CRLF2: variants seen among roughly 807,000 people sequenced by gnomAD.
The protein encoded by CRLF2 is cytokine receptor like factor 2.
Under a neutral mutation model 38.7 loss-of-function variants are expected in CRLF2, and 41 were observed. The ratio of observed to expected loss-of-function variants is 1.06; its 90% CI spans 0.83 to 1.37. CRLF2 has a LOEUF of 1.37. Among genes scored for constraint, CRLF2 ranks in the 40% most tolerant of loss-of-function variants. The pLI, the probability that CRLF2 is intolerant of heterozygous loss-of-function variation, is 0.00. For missense variants in CRLF2, 377 were observed against 322.2 expected, an observed-to-expected ratio of 1.17 and a Z score of -1.30; for synonymous variants, 140 against 128.8, an observed-to-expected ratio of 1.09 and a Z score of -0.59.
intron 4 of CRLF2, among the ~76,000 whole-genome samples, chrX:1,199,345 C>A (rs1382771447): frequency 2.0e-5 from 3 of 151,646 alleles, no homozygotes; most frequent in African/African-American, 7.3e-5. Flanking sequence ...TGCTCTGTTG[C>A]CCAGGCTGGA....
At chrX:1,210,716 C>CAGAT (rs1384285811) in intron 1 of CRLF2, among the ~76,000 whole-genome samples, 1 of 151,968 alleles carries the variant, frequency 6.6e-6, no homozygotes, top group South Asian at 2.1e-4. Context: ...TAGATAGATA[C>CAGAT]AGATAGATAG....
At chrX:1,205,893 T>C (rs2086682747) in intron 3 of CRLF2, among the ~76,000 whole-genome samples, 1 of 152,028 alleles carries the variant, frequency 6.6e-6, no homozygotes, top group South Asian at 2.1e-4. Context: ...ATGGTGAGCT[T>C]GCTTTTCAAT....
At chrX:1,204,037 C>T (rs1373843010) in intron 3 of CRLF2, among the ~76,000 whole-genome samples, 2 of 147,986 alleles carry the variant, frequency 1.4e-5, no homozygotes, top group East Asian at 4.0e-4. Flanking sequence ...ACAGCCAGTT[C>T]TCAACGCACA....
At chrX:1,194,992 A>C (rs1288698006) in intron 6 of CRLF2, among the ~76,000 whole-genome samples, 1 of 152,042 alleles carries the variant, frequency 6.6e-6, no homozygotes, top group Non-Finnish European at 1.5e-5. Context: ...AGATCATGCC[A>C]CTGTACTCCA....
chrX:1,208,684 AT>A, intron 2 of CRLF2, 121 bp downstream of exon 2: 1 of 688,370 alleles, frequency 1.5e-6, no homozygotes, highest in Non-Finnish European at 2.6e-6. Context: ...CAGAACAAAC[AT>A]TCCGGCTTGC....
intron 4 of CRLF2, chrX:1,199,106 A>C (rs1163651481): frequency 5.9e-6 from 2 of 340,762 alleles, no homozygotes; most frequent in Admixed American, 7.4e-5. Flanking sequence ...CAGAGATCGC[A>C]CCACTGCACT....
intron 5 of CRLF2, among the ~76,000 whole-genome samples, chrX:1,197,828 T>TA (rs1198504716): frequency 5.5e-5 from 8 of 146,218 alleles, no homozygotes; most frequent in African/African-American, 1.3e-4. Context: ...AAAATAAAAA[T>TA]AAAAAAATAA....
chrX:1,196,628 A>G (rs2086480467), intron 6 of CRLF2, 152 bp downstream of exon 6: 15 of 1,041,086 alleles, frequency 1.4e-5, no homozygotes, highest in Admixed American at 3.0e-5. Flanking sequence ...GCCCCTCCGA[A>G]ATTTCTTATA....
chrX:1,194,970 GGCA>G (rs2086452050), intron 6 of CRLF2, among the ~76,000 whole-genome samples: 1 of 151,462 alleles, frequency 6.6e-6, no homozygotes, highest in African/African-American at 2.4e-5. Context: ...AGGCGGAGGT[GGCA>G]GTGAGCCGAG....
At chrX:1,192,691 C>T (rs1174020121) in intron 7 of CRLF2, among the ~76,000 whole-genome samples, 77 of 132,658 alleles carry the variant, frequency 5.8e-4, no homozygotes, top group South Asian at 2.0e-3. Context: ...TTTTCTCTTT[C>T]TTTTTCTTTT....
chrX:1,209,066 C>T (rs1351151027), intron 1 of CRLF2, among the ~76,000 whole-genome samples, 158 bp from the exon 2 acceptor site: 4 of 151,778 alleles, frequency 2.6e-5, no homozygotes, highest in African/African-American at 9.7e-5. Flanking sequence ...CTCCCGGGTT[C>T]AAGCGATTCC....
At position 1,200,688 on chromosome X, in the gene CRLF2, G is replaced by A. The variant is rs1218968714; in HGVS notation, c.483+1714C>T. Among the ~76,000 whole-genome samples, 127 of 55,694 alleles carry A rather than the reference G, an allele frequency of 2.3e-3. 12 individuals carry two copies. The highest frequency in any genetic ancestry group is 6.2e-3 in the African/African-American group (112 of 17,994). The allele number at this position is 55,694 out of a possible 152,430, so 36.5% of individuals were successfully genotyped here. On this transcript the variant is annotated intron_variant, in intron 4 of 7. Transcript: ENST00000400841. The stretch of plus-strand genomic sequence containing the variant: ...ATATGTGTATATAAGCTGTGTGTGT[G>A]TGTATATGTGTGTGTATATAAGATG...
chrX:1,201,758 A>C (rs1398751057), intron 4 of CRLF2, among the ~76,000 whole-genome samples: 1 of 152,002 alleles, frequency 6.6e-6, no homozygotes, highest in Admixed American at 6.6e-5. Flanking sequence ...TAGATAGATA[A>C]ATACATAGAT....
At chrX:1,206,627 C>T (rs750595219) in intron 2 of CRLF2, 28 bp from the exon 3 acceptor site, 10 of 1,599,894 alleles carry the variant, frequency 6.3e-6, no homozygotes, top group Non-Finnish European at 8.5e-6. Context: ...GACCATTCAG[C>T]AACAAAACAA....
chrX:1,200,774 T>C (rs1880484395), intron 4 of CRLF2, among the ~76,000 whole-genome samples: 1 of 152,086 alleles, frequency 6.6e-6, no homozygotes, highest in African/African-American at 2.4e-5. Flanking sequence ...GTATATAAGC[T>C]GTGTATCTAT....
rs2147815639 is a variant in CRLF2, at chrX:1,191,070, G to A, written c.943C>T (p.Gln315Ter). The A allele has an allele frequency of 2.5e-6, 1 of 398,616 alleles. No individual in the cohort carries two copies. The highest frequency in any genetic ancestry group is 4.4e-6 in the Non-Finnish European group (1 of 226,112). 24.7% of individuals were successfully genotyped at this position (398,616 alleles called of 1,614,324 possible). ...ESGPEEPLVV[Q>*]LAKTEAESPR... is the part of the protein sequence containing the mutation. Reference sequence around the variant, plus strand: ...GACTCGGCTTCAGTCTTGGCCAACTGGACTACCAGGGGCTCCTCGGGGCCA... The same window carrying A: ...GACTCGGCTTCAGTCTTGGCCAACTAGACTACCAGGGGCTCCTCGGGGCCA... Residue 315 changes from glutamine to a stop codon, truncating the protein, a stop_gained, in exon 8 of 8, where the codon CAG becomes TAG. Coordinates refer to ENST00000400841, the MANE Select transcript of CRLF2 (RefSeq NM_022148.4). LOFTEE classifies it high-confidence loss of function.
intron 3 of CRLF2, among the ~76,000 whole-genome samples, chrX:1,204,606 C>T (rs1370166397): frequency 9.2e-5 from 13 of 140,886 alleles, no homozygotes; most frequent in East Asian, 4.3e-4. Flanking sequence ...CTGCAGCCTC[C>T]GCCTCCCGGG....
intron 5 of CRLF2, 96 bp from the exon 6 acceptor site, chrX:1,196,996 C>G: frequency 9.7e-7 from 1 of 1,025,668 alleles, no homozygotes; most frequent in Non-Finnish European, 1.3e-6. Flanking sequence ...ACCAGTCTCC[C>G]TCATTTTTTG....
intron 4 of CRLF2, among the ~76,000 whole-genome samples, chrX:1,202,084 G>A (rs2086618183): frequency 6.6e-6 from 1 of 151,980 alleles, no homozygotes; most frequent in Admixed American, 6.6e-5. Flanking sequence ...GAGGGAAATA[G>A]AATGATATAG....
Sources: allele counts gnomAD v4.1 joint callset (sites outside exome capture counted in the v4.1 genomes callset), GRCh38; gene constraint gnomAD v4.1.1; transcripts MANE v1.5; gene names NCBI Gene and HGNC (gene_info 2026-07-23, HGNC 2026-07-21).